LNX1: variants seen among roughly 807,000 people sequenced by gnomAD.
The protein encoded by LNX1 is ligand of numb-protein X 1, also known as E3 ubiquitin-protein ligase LNX.
In LNX1, 54 loss-of-function variants were observed where a neutral mutation model predicts 68.4. The ratio of observed to expected loss-of-function variants is 0.79; its 90% CI spans 0.63 to 0.99. The LOEUF is 0.99. Among genes scored for constraint, LNX1 ranks in the 50% least tolerant of loss-of-function variants. The probability of loss-of-function intolerance (pLI) is 0.00; values close to 1 mark genes in which losing one functional copy is unlikely to be tolerated. For missense variants in LNX1, 906 were observed against 926.4 expected (o/e 0.98, Z 0.29); for synonymous variants, 336 against 350.0 (o/e 0.96, Z 0.45).
intron 1 of LNX1, chr4:53,576,096 C>G (rs539037422): frequency 6.4e-6 from 10 of 1,551,808 alleles, no homozygotes; most frequent in Non-Finnish European, 8.7e-6. Flanking sequence ...ACTTGGCCAG[C>G]GTGGTATTTG....
Position 53,537,118 on chromosome 4 carries a change from G to A in LNX1, c.381-28891C>T, listed in dbSNP as rs536539172. ...TAGAGTGGTAGTGGGGACGGTATGA[G>A]TACTGATTTTCCTGTCAAAGTTAAT... is the stretch of plus-strand genomic sequence containing the variant. On this transcript the variant is annotated intron_variant, in intron 2 of 10. Coordinates refer to ENST00000263925, the MANE Select transcript of LNX1 (RefSeq NM_001126328.3). Among the ~76,000 whole-genome samples the A allele has an allele frequency of 5.3e-5, 8 of 152,300 alleles. No individual in the cohort carries two copies. The South Asian group carries it at 1.7e-3, about 32-fold the overall frequency.
upstream of LNX1, among the ~76,000 whole-genome samples, chr4:53,621,002 G>C (rs1733849582): frequency 1.3e-5 from 2 of 152,138 alleles, no homozygotes. Flanking sequence ...CAATATGATA[G>C]CATGGCTTTC....
intron 2 of LNX1, among the ~76,000 whole-genome samples, chr4:53,565,335 T>C (rs1404901713): frequency 6.6e-6 from 1 of 152,076 alleles, no homozygotes; most frequent in East Asian, 1.9e-4. Flanking sequence ...AGTGGGTCCC[T>C]GACCCCTGAC....
intron 2 of LNX1, among the ~76,000 whole-genome samples, chr4:53,535,898 A>C (rs1227166531): frequency 5.3e-5 from 8 of 152,176 alleles, no homozygotes; most frequent in Non-Finnish European, 1.0e-4. Context: ...TGTTGACAAA[A>C]GCACCATCAC....
chr4:53,596,905 ACT>A (rs1732779708), intron 2 of LNX1, among the ~76,000 whole-genome samples: 1 of 151,912 alleles, frequency 6.6e-6, no homozygotes, highest in Admixed American at 6.6e-5. Context: ...TGAGAATGCA[ACT>A]CTCTACTGTA....
At chr4:53,547,483 A>C (rs185432973) in intron 2 of LNX1, among the ~76,000 whole-genome samples, 8 of 152,320 alleles carry the variant, frequency 5.3e-5, no homozygotes, top group African/African-American at 1.9e-4. Context: ...GTCTGACTGC[A>C]GAGCATGTGC....
chr4:53,613,358 T>G (rs1577795538), intron 2 of LNX1, among the ~76,000 whole-genome samples: 1 of 150,456 alleles, frequency 6.6e-6, no homozygotes, highest in Non-Finnish European at 1.5e-5. Context: ...TTTTTTTTTT[T>G]AACTTTGAAG....
chr4:53,569,432 A>C (rs1166195481), intron 2 of LNX1, among the ~76,000 whole-genome samples: 2 of 130,978 alleles, frequency 1.5e-5, no homozygotes, highest in Non-Finnish European at 3.2e-5. Flanking sequence ...CTATTTAATA[A>C]ATGGTGCTGG....
chr4:53,524,554 C>T (rs1727475633), intron 2 of LNX1, among the ~76,000 whole-genome samples: 1 of 152,202 alleles, frequency 6.6e-6, no homozygotes, highest in African/African-American at 2.4e-5. Flanking sequence ...AATTCTAACA[C>T]AACCAGTAAA....
Position 53,459,596 on chromosome 4 carries a change from G to C in LNX1, c.*1311C>G. Reference sequence around the variant, plus strand: ...TTAACTTTTTTTCCAAAATAAAAGAGTGAATTTTTCATGTTAAGTTAAAAA... The same window carrying C: ...TTAACTTTTTTTCCAAAATAAAAGACTGAATTTTTCATGTTAAGTTAAAAA... On this transcript the variant is annotated 3_prime_UTR_variant, in exon 11 of 11. Transcript: ENST00000263925. 1 of 1,150,630 alleles carries C rather than the reference G, an allele frequency of 8.7e-7. No individual in the cohort carries two copies. The highest frequency in any genetic ancestry group is 1.3e-6 in the Non-Finnish European group (1 of 796,084). 71.3% of individuals were successfully genotyped at this position (1,150,630 alleles called of 1,614,324 possible).
intron 1 of LNX1, among the ~76,000 whole-genome samples, chr4:53,575,004 C>T (rs186469164): frequency 2.8e-3 from 423 of 151,080 alleles, no homozygotes; most frequent in African/African-American, 9.3e-3. Context: ...TCTTTTTAGA[C>T]GGAGTCTTGC....
chr4:53,573,784 G>A lies in LNX1; in HGVS notation c.219C>T (p.Asp73=). Residue 73 remains aspartate, a synonymous_variant, in exon 2 of 11, where the codon GAC becomes GAT. Transcript: ENST00000263925. ...GAGGCTTGCGGTCCATGGGACAGAA[G>A]TCCTTCTCCACCAGGAAGTTGGTGA... is the stretch of plus-strand genomic sequence containing the variant. ...LCLTNFLVEK[D]FCPMDRKPLV... 1.2e-6 allele frequency: 2 copies of A among 1,612,552 alleles called. No individual in the cohort carries two copies. Among genetic ancestry groups the A allele is most frequent in the Non-Finnish European group, 1.7e-6 (2 of 1,179,336 alleles).
chr4:53,566,957 T>C (rs1369789673), intron 2 of LNX1, among the ~76,000 whole-genome samples: 5 of 152,310 alleles, frequency 3.3e-5, no homozygotes, highest in African/African-American at 7.2e-5. Context: ...ATCCTAAATA[T>C]ATATGCATCC....
chr4:53,469,254 G>A (rs1167112799), intron 9 of LNX1, among the ~76,000 whole-genome samples: 5 of 151,842 alleles, frequency 3.3e-5, no homozygotes, highest in African/African-American at 7.2e-5. Context: ...GGTACATAAC[G>A]AAATGAAGGC....
intron 4 of LNX1, among the ~76,000 whole-genome samples, chr4:53,504,256 G>C (rs1052652447): frequency 9.9e-5 from 15 of 152,260 alleles, no homozygotes; most frequent in Non-Finnish European, 2.9e-5. Context: ...ATCAGCATCT[G>C]CTGCTTCGCT....
intron 9 of LNX1, among the ~76,000 whole-genome samples, chr4:53,463,897 G>C (rs1722414604): frequency 6.6e-6 from 1 of 152,008 alleles, no homozygotes; most frequent in Non-Finnish European, 1.5e-5. Flanking sequence ...TTTGAACTAA[G>C]TCTGCAGACT....
At chr4:53,624,834 C>T (rs1734014578) in intron 1 of LNX1, among the ~76,000 whole-genome samples, 1 of 152,130 alleles carries the variant, frequency 6.6e-6, no homozygotes, top group South Asian at 2.1e-4. Context: ...AATATCCAAA[C>T]ATTTTCTGGA....
chr4:53,613,003 A>G (rs1014478331), intron 2 of LNX1, among the ~76,000 whole-genome samples: 30 of 151,514 alleles, frequency 2.0e-4, no homozygotes, highest in Admixed American at 1.1e-3. Context: ...TATTTTTGTA[A>G]AACAAAAGCC....
intron 1 of LNX1, among the ~76,000 whole-genome samples, chr4:53,635,844 A>G (rs1247593604): frequency 6.6e-6 from 1 of 152,202 alleles, no homozygotes; most frequent in East Asian, 1.9e-4. Context: ...TTACAAATGA[A>G]TACAAATATA....
Sources: allele counts gnomAD v4.1 joint callset (sites outside exome capture counted in the v4.1 genomes callset), GRCh38; gene constraint gnomAD v4.1.1; transcripts MANE v1.5; gene names NCBI Gene and HGNC (gene_info 2026-07-23, HGNC 2026-07-21).